Variants in ZNF714 observed in about 807,000 individuals in gnomAD.
ZNF714 encodes the protein zinc finger protein 714.
In ZNF714, 32 loss-of-function variants were observed where a neutral mutation model predicts 46.2. The observed-to-expected ratio is 0.69, with a 90% CI of 0.52 to 0.93. The LOEUF (loss-of-function observed/expected upper bound fraction) is 0.93. ZNF714 is among the 40% of genes least tolerant of loss of function. The pLI, the probability that ZNF714 is intolerant of heterozygous loss-of-function variation, is 0.00. For synonymous variants in ZNF714, 199 were observed against 213.1 expected, an observed-to-expected ratio of 0.93 and a Z score of 0.58; for missense variants, 635 against 646.3, an observed-to-expected ratio of 0.98 and a Z score of 0.19.
chr19:21,095,549 G>A (rs1327440908), intron 2 of ZNF714, among the ~76,000 whole-genome samples: 1 of 151,586 alleles, frequency 6.6e-6, no homozygotes, highest in Non-Finnish European at 1.5e-5. Flanking sequence ...TGCAAGCTCC[G>A]TGTCCCGGGT....
At chr19:21,114,980 CTG>C (rs1969556816) in intron 4 of ZNF714, among the ~76,000 whole-genome samples, 3 of 149,712 alleles carry the variant, frequency 2.0e-5, no homozygotes, top group African/African-American at 4.9e-5. Flanking sequence ...TTTTCTGTCT[CTG>C]TGTCTTTTTT....
intron 4 of ZNF714, among the ~76,000 whole-genome samples, chr19:21,103,806 A>G (rs193010196): frequency 6.6e-6 from 1 of 151,776 alleles, no homozygotes; most frequent in Non-Finnish European, 1.5e-5. Flanking sequence ...TGAGGGGAGG[A>G]TTACTTGAGC....
chr19:21,104,425 A>G (rs1247062036), intron 4 of ZNF714, among the ~76,000 whole-genome samples: 1 of 152,102 alleles, frequency 6.6e-6, no homozygotes, highest in East Asian at 1.9e-4. Context: ...TTTGATGATA[A>G]TTCCATTTTT....
intron 2 of ZNF714, among the ~76,000 whole-genome samples, chr19:21,088,353 CTCTTT>C (rs1968833262): frequency 6.6e-6 from 1 of 152,082 alleles, no homozygotes; most frequent in African/African-American, 2.4e-5. Flanking sequence ...TATATAAAAT[CTCTTT>C]TCTTTATAAC....
rs1968720361 is a variant in ZNF714 at position 21,084,092 on chromosome 19, G to A, written c.-85+23G>A. The A allele has an allele frequency of 4.0e-6, 4 of 997,608 alleles. No homozygotes were observed. The South Asian group carries it at 1.2e-4, about 31-fold the overall frequency. 61.8% of individuals were successfully genotyped at this position (997,608 alleles called of 1,614,324 possible). ...AAGGTAATCAGATGCTGGTACTGAG[G>A]GGAAAACACAGAAATAACATCTGCC... is the stretch of plus-strand genomic sequence containing the variant. On this transcript the variant is annotated intron_variant, in intron 2 of 4. Transcript: ENST00000456283.
At position 21,100,960 on chromosome 19, in the gene ZNF714, C is replaced by T. The variant is rs117633052; in HGVS notation, c.142+2050C>T. The stretch of plus-strand genomic sequence containing the variant: ...TCCTGACCTCGTGATTTGCCCGCCT[C>T]GGCCCCCAAAAGTGCTGGGATTACA... On this transcript the variant is annotated intron_variant, in intron 4 of 4. Coordinates refer to ENST00000456283, the MANE Select transcript of ZNF714 (RefSeq NM_182515.4). Among the ~76,000 whole-genome samples, 1,065 of 152,192 alleles carry T rather than the reference C, an allele frequency of 7.0e-3. 10 individuals are homozygous for T. Among genetic ancestry groups the T allele is most frequent in the Non-Finnish European group, 8.2e-3 (559 of 68,000 alleles).
At chr19:21,113,518 T>C (rs1013756341) in intron 4 of ZNF714, among the ~76,000 whole-genome samples, 3 of 151,546 alleles carry the variant, frequency 2.0e-5, no homozygotes, top group African/African-American at 7.3e-5. Flanking sequence ...TCTTCTTTTT[T>C]TTTTTTGAGA....
chr19:21,109,841 C>T lies in ZNF714; in HGVS notation c.143-6966C>T, dbSNP rs144886623. Among the ~76,000 whole-genome samples, 390 of 152,102 alleles carry T rather than the reference C, an allele frequency of 2.6e-3. 1 individual carries two copies. The highest frequency in any genetic ancestry group is 4.5e-3 in the Admixed American group (69 of 15,248). The stretch of plus-strand genomic sequence containing the variant: ...TTTCCACTTATAAGTGAGAACATGT[C>T]GTGTTTGGTTTTCTGTTCCTGTGTT... On this transcript the variant is annotated intron_variant, in intron 4 of 4. Transcript: ENST00000456283.
At chr19:21,084,675 A>G (rs1016759889) in intron 2 of ZNF714, among the ~76,000 whole-genome samples, 1 of 149,990 alleles carries the variant, frequency 6.7e-6, no homozygotes, top group Admixed American at 6.6e-5. Context: ...AAATTGCATT[A>G]TATTAGTAGG....
intron 2 of ZNF714, 150 bp downstream of exon 2, chr19:21,084,219 C>T (rs1164024059): frequency 5.0e-6 from 1 of 198,092 alleles, no homozygotes; most frequent in East Asian, 1.9e-4. Flanking sequence ...AATAGTATCC[C>T]AAAAGACCAA....
intron 2 of ZNF714, among the ~76,000 whole-genome samples, chr19:21,096,864 A>ATTTATTTTTATTG: frequency 6.6e-6 from 1 of 151,972 alleles, no homozygotes; most frequent in East Asian, 1.9e-4. Flanking sequence ...TTATTTATTT[A>ATTTATTTTTATTG]TTTATTTATT....
intron 2 of ZNF714, among the ~76,000 whole-genome samples, chr19:21,087,106 C>A (rs754348371): frequency 1.5e-4 from 23 of 149,722 alleles, no homozygotes; most frequent in South Asian, 4.2e-4. Flanking sequence ...TCTAAAGTTA[C>A]AACAAACTTG....
Position 21,117,196 on chromosome 19 carries a change from T to C in ZNF714, c.532T>C (p.Cys178Arg), listed in dbSNP as rs758086461. The C allele has an allele frequency of 1.2e-6, 2 of 1,613,966 alleles. No individual in the cohort carries two copies. The highest frequency in any genetic ancestry group is 2.7e-5 in the African/African-American group (2 of 74,944). The change falls in exon 5 of 5, where the codon TGT becomes CGT. Residue 178 changes from cysteine (C) to arginine (R), a missense_variant. Cys to Arg is a radical substitution (Grantham distance 180, BLOSUM62 -3). Coordinates refer to ENST00000456283, the MANE Select transcript of ZNF714 (RefSeq NM_182515.4). ...IRENSYQCEE[C>R]DKVFKRFSTL... ...AGAGAATTCTTACCAATGTGAAGAA[T>C]GTGACAAAGTGTTTAAGCGGTTCTC...
chr19:21,097,384 GTTC>G (rs887419887), intron 2 of ZNF714, among the ~76,000 whole-genome samples: 12 of 152,268 alleles, frequency 7.9e-5, no homozygotes, highest in Admixed American at 4.6e-4. Context: ...GTGATGTTGT[GTTC>G]TTCTTTGTGC....
chr19:21,117,979 A>G lies in ZNF714; in HGVS notation c.1315A>G (p.Asn439Asp), dbSNP rs1430888566. ...ECGKAFNRSS[N>D]LTTHKRIHTG... ...TGGCAAAGCTTTTAACCGATCCTCA[A>G]ACCTTACTACACATAAGAGAATTCA... The change falls in exon 5 of 5, where the codon AAC (asparagine) becomes GAC (aspartate). Residue 439 changes from asparagine (N) to aspartate (D), a missense_variant. Transcript: ENST00000456283. 2.5e-6 allele frequency: 4 copies of G among 1,613,256 alleles called. No individual in the cohort carries two copies. Among genetic ancestry groups the G allele is most frequent in the Non-Finnish European group, 3.4e-6 (4 of 1,179,894 alleles).
chr19:21,093,994 G>T (rs1443084157), intron 2 of ZNF714, among the ~76,000 whole-genome samples: 2 of 152,098 alleles, frequency 1.3e-5, no homozygotes, highest in African/African-American at 4.8e-5. Flanking sequence ...CCATGTTTTT[G>T]TTTTTTGTTT....
intron 2 of ZNF714, among the ~76,000 whole-genome samples, chr19:21,097,646 A>C (rs1049250705): frequency 3.9e-5 from 6 of 152,134 alleles, no homozygotes; most frequent in African/African-American, 1.2e-4. Context: ...CAGACCAAAA[A>C]AGTTGGGAAA....
intron 1 of ZNF714, 41 bp from the exon 2 acceptor site, chr19:21,083,937 T>C: frequency 9.1e-7 from 1 of 1,100,548 alleles, no homozygotes; most frequent in Non-Finnish European, 1.2e-6. Flanking sequence ...TCAGCTAAAG[T>C]GCCTAGTGAA....
At chr19:21,097,405 C>T (rs1358630214) in intron 2 of ZNF714, among the ~76,000 whole-genome samples, 2 of 152,120 alleles carry the variant, frequency 1.3e-5, no homozygotes, top group East Asian at 1.9e-4. Context: ...TGCATCAGCA[C>T]ATCATAAAAA....
Sources: allele counts gnomAD v4.1 joint callset (sites outside exome capture counted in the v4.1 genomes callset), GRCh38; gene constraint gnomAD v4.1.1; transcripts MANE v1.5; gene names NCBI Gene and HGNC (gene_info 2026-07-23, HGNC 2026-07-21).